Variants in RSPH4A observed in about 807,000 individuals in gnomAD.
RSPH4A encodes the protein radial spoke head protein 4 homolog A.
Under a neutral mutation model 71.0 loss-of-function variants are expected in RSPH4A, and 47 were observed. The observed-to-expected ratio is 0.66, with a 90% CI of 0.52 to 0.84. The LOEUF (loss-of-function observed/expected upper bound fraction) is 0.84, where lower values mean the gene tolerates loss of function less well. RSPH4A is among the 40% of genes least tolerant of loss of function. The pLI is 0.00. For synonymous variants in RSPH4A, 282 were observed against 302.3 expected (o/e 0.93, Z 0.70); for missense variants, 793 against 855.2 (o/e 0.93, Z 0.91).
At chr6:116,627,476 G>A (rs942261172) in intron 2 of RSPH4A, among the ~76,000 whole-genome samples, 153 bp from the exon 3 acceptor site, 1 of 152,150 alleles carries the variant, frequency 6.6e-6, no homozygotes, top group Non-Finnish European at 1.5e-5. Flanking sequence ...GATTACAGGC[G>A]TGAACCACTG....
At chr6:116,618,334 T>C (rs898183204) in intron 1 of RSPH4A, among the ~76,000 whole-genome samples, 7 of 152,254 alleles carry the variant, frequency 4.6e-5, no homozygotes, top group Admixed American at 2.6e-4. Context: ...GACAGACTTA[T>C]ATTTTAATAT....
At chr6:116,626,960 A>G (rs1300581053) in intron 2 of RSPH4A, among the ~76,000 whole-genome samples, 1 of 152,146 alleles carries the variant, frequency 6.6e-6, no homozygotes, top group East Asian at 1.9e-4. Context: ...TTTGTTCTAA[A>G]TATATGTGTA....
intron 1 of RSPH4A, among the ~76,000 whole-genome samples, chr6:116,620,164 A>G (rs1282748447): frequency 6.6e-6 from 1 of 152,268 alleles, no homozygotes; most frequent in Non-Finnish European, 1.5e-5. Flanking sequence ...ACAAACTGCT[A>G]AAATTGCAAA....
rs756442852 is a variant in RSPH4A at position 116,616,924 on chromosome 6, A to G, written c.301A>G (p.Arg101Gly). 6.2e-7 allele frequency: 1 copy of G among 1,614,212 alleles called. No homozygotes were observed. The highest frequency in any genetic ancestry group is 8.5e-7 in the Non-Finnish European group (1 of 1,180,028). ...CTCTCCTTCTCCCCTGGCTCCGGCC[A>G]GACAAGACCTCGCGGCACCACCTCA... The part of the protein sequence containing the change: ...SSSPSPLAPA[R>G]QDLAAPPQSD... Residue 101 changes from arginine to glycine, a missense_variant, in exon 1 of 6, where the codon AGA becomes GGA. Physicochemically the swap from Arg to Gly is moderately radical, Grantham distance 125 (BLOSUM62 -2). Transcript: ENST00000229554.
At chr6:116,618,102 C>T (rs767248109) in intron 1 of RSPH4A, among the ~76,000 whole-genome samples, 25 of 152,140 alleles carry the variant, frequency 1.6e-4, no homozygotes, top group Non-Finnish European at 2.8e-4. Context: ...ACCTAATTTG[C>T]TCAAGATTCC....
chr6:116,616,991 C>T lies in RSPH4A; in HGVS notation c.368C>T (p.Pro123Leu). The change falls in exon 1 of 6, where the codon CCT (proline) becomes CTT (leucine). Residue 123 changes from proline to leucine, a missense_variant. Physicochemically the swap from Pro to Leu is moderately conservative, Grantham distance 98. Transcript: ENST00000229554. ...AGTGTGATTCCTGAAGCTGGGACAC[C>T]TTATCCTGATCCTTTGGAACAATCA... ...TTSVIPEAGTPYPDPLEQSSD... is the reference protein window; with the variant it reads ...TTSVIPEAGTLYPDPLEQSSD... 6.2e-7 allele frequency: 1 copy of T among 1,614,230 alleles called. No individual in the cohort carries two copies. The highest frequency in any genetic ancestry group is 8.5e-7 in the Non-Finnish European group (1 of 1,180,038).
intron 5 of RSPH4A, among the ~76,000 whole-genome samples, chr6:116,631,504 G>A (rs1417387545): frequency 6.6e-6 from 1 of 152,164 alleles, no homozygotes; most frequent in Non-Finnish European, 1.5e-5. Context: ...GGCTCCTGCA[G>A]TTTTACAGAC....
intron 4 of RSPH4A, 88 bp from the exon 5 acceptor site, chr6:116,630,343 ATGTG>A (rs59824195): frequency 1.6e-4 from 110 of 678,312 alleles, no homozygotes; most frequent in Admixed American, 1.1e-3. Context: ...GTGTGCATGC[ATGTG>A]TGTGTGTGTG....
At position 116,632,621 on chromosome 6, in the gene RSPH4A, T is replaced by C. The variant is rs1233054469; in HGVS notation, c.*180T>C. On this transcript the variant is annotated 3_prime_UTR_variant, in exon 6 of 6. Coordinates refer to ENST00000229554, the MANE Select transcript of RSPH4A (RefSeq NM_001010892.3). ...AATTTCATAGGTAGAAATATTAGCATTTTTATTGAAAGATACTCACAGGAT... is the reference window on the plus strand; with the variant it reads ...AATTTCATAGGTAGAAATATTAGCACTTTTATTGAAAGATACTCACAGGAT... 1 of 760,382 alleles carries C rather than the reference T, an allele frequency of 1.3e-6. No individual in the cohort carries two copies. Among genetic ancestry groups the C allele is most frequent in the Non-Finnish European group, 2.0e-6 (1 of 491,382 alleles). The allele number at this position is 760,382 out of a possible 1,614,324, so 47.1% of individuals were successfully genotyped here.
rs779532397 is a variant in RSPH4A at position 116,627,697 on chromosome 6, C to T, written c.990C>T (p.Gly330=). 1.2e-6 allele frequency: 2 copies of T among 1,614,032 alleles called. No homozygotes were observed. The highest frequency in any genetic ancestry group is 2.7e-5 in the African/African-American group (2 of 74,918). Residue 330 remains glycine, a synonymous_variant, in exon 3 of 6, where the codon GGC becomes GGT. Coordinates refer to ENST00000229554, the MANE Select transcript of RSPH4A (RefSeq NM_001010892.3). The part of the protein sequence containing the change: ...FYFEQAGVGL[G]TDETYRIFLA... Reference sequence around the variant, plus strand: ...TTGAACAAGCTGGAGTTGGTTTGGGCACAGATGAGACATACCGCATATTTC... The same window carrying T: ...TTGAACAAGCTGGAGTTGGTTTGGGTACAGATGAGACATACCGCATATTTC...
Position 116,628,285 on chromosome 6 carries a change from C to A in RSPH4A, c.1578C>A (p.Asn526Lys). Reference protein sequence around the residue: ...AEGGRNSFEENPDFEGIQVID... With the variant: ...AEGGRNSFEEKPDFEGIQVID... ...GTGGGCGAAATAGCTTTGAGGAAAACCCTGATTTTGAAGGCATCCAAGTGA... is the reference window on the plus strand; with the variant it reads ...GTGGGCGAAATAGCTTTGAGGAAAAACCTGATTTTGAAGGCATCCAAGTGA... The change falls in exon 3 of 6, where the codon AAC becomes AAA. Residue 526 changes from asparagine (N) to lysine (K), a missense_variant. Asn to Lys is a moderately conservative substitution (Grantham distance 94). Transcript: ENST00000229554. 2 of 1,611,224 alleles carry A rather than the reference C, an allele frequency of 1.2e-6. No homozygotes were observed. The highest frequency in any genetic ancestry group is 1.7e-6 in the Non-Finnish European group (2 of 1,178,516).
In RSPH4A at chr6:116,616,560, G is replaced by A; in HGVS notation, c.-64G>A. 7.2e-7 allele frequency: 1 copy of A among 1,389,070 alleles called. No homozygotes were observed. 86.0% of individuals were successfully genotyped at this position (1,389,070 alleles called of 1,614,324 possible). ...GACCGCGGCAAAGTAACTTAACTGA[G>A]TTGCCTTCTTCCATATTTTCACGCC... is the stretch of plus-strand genomic sequence containing the variant. On this transcript the variant is annotated 5_prime_UTR_variant, in exon 1 of 6. Transcript: ENST00000229554.
In RSPH4A at chr6:116,632,239, A is replaced by C. The variant is rs761790658; in HGVS notation, c.1949A>C (p.His650Pro). The C allele has an allele frequency of 1.9e-6, 3 of 1,611,746 alleles. No homozygotes were observed. The highest frequency in any genetic ancestry group is 3.3e-5 in the Admixed American group (2 of 59,988). ...GAAAATTTCTACATAGGCTGGGGTCATAAGTATAGTCCAGACAATTATACA... is the reference window on the plus strand; with the variant it reads ...GAAAATTTCTACATAGGCTGGGGTCCTAAGTATAGTCCAGACAATTATACA... Reference protein sequence around the residue: ...KFENFYIGWGHKYSPDNYTPP... With the variant: ...KFENFYIGWGPKYSPDNYTPP... Residue 650 changes from histidine (H) to proline (P), a missense_variant, in exon 6 of 6, where the codon CAT (histidine) becomes CCT (proline). Physicochemically the swap from His to Pro is moderately conservative, Grantham distance 77. Transcript: ENST00000229554.
At chr6:116,623,691 G>T (rs942040853) in intron 2 of RSPH4A, among the ~76,000 whole-genome samples, 6 of 151,950 alleles carry the variant, frequency 3.9e-5, no homozygotes, top group African/African-American at 1.5e-4. Flanking sequence ...ATTAAAATCA[G>T]GTTTTAAAAC....
Position 116,632,354 on chromosome 6 carries a change from T to C in RSPH4A, c.2064T>C (p.Ala688=). The C allele has an allele frequency of 6.2e-7, 1 of 1,614,072 alleles. No homozygotes were observed. Among genetic ancestry groups the C allele is most frequent in the Non-Finnish European group, 8.5e-7 (1 of 1,179,994 alleles). The part of the protein sequence containing the change: ...MDDPSVEEEQ[A]FRAAQEAVLL... ...ATCCTAGTGTGGAGGAGGAGCAGGCTTTCAGGGCTGCACAAGAAGCAGTTC... is the reference window on the plus strand; with the variant it reads ...ATCCTAGTGTGGAGGAGGAGCAGGCCTTCAGGGCTGCACAAGAAGCAGTTC... The change falls in exon 6 of 6, where the codon GCT becomes GCC. Residue 688 remains alanine, a synonymous_variant. Transcript: ENST00000229554.
At chr6:116,627,491 C>T in intron 2 of RSPH4A, 138 bp from the exon 3 acceptor site, 1 of 801,886 alleles carries the variant, frequency 1.2e-6, no homozygotes, top group Non-Finnish European at 2.1e-6. Context: ...CCACTGCACC[C>T]AGCCAATTTG....
At chr6:116,621,623 T>C (rs764090121) in intron 1 of RSPH4A, among the ~76,000 whole-genome samples, 12 of 152,190 alleles carry the variant, frequency 7.9e-5, no homozygotes, top group Admixed American at 5.9e-4. Flanking sequence ...TTTTGGGGAA[T>C]GACTTAAGTG....
At chr6:116,625,056 GGATAATCAAGTGGCTTA>G in intron 2 of RSPH4A, among the ~76,000 whole-genome samples, 1 of 18,218 alleles carries the variant, frequency 5.5e-5, no homozygotes, top group East Asian at 7.9e-4. Context: ...CAAGCCTTAA[GGATAATCAAGTGGCTTA>G]AGGATAATCA....
At chr6:116,627,388 CG>C (rs1775713812) in intron 2 of RSPH4A, among the ~76,000 whole-genome samples, 1 of 151,972 alleles carries the variant, frequency 6.6e-6, no homozygotes, top group Non-Finnish European at 1.5e-5. Context: ...GTAGTAGAGA[CG>C]GGGGTCTCAC....
Sources: gnomAD v4.1 joint callset for allele counts (sites outside exome capture counted in the v4.1 genomes callset) on GRCh38, gnomAD v4.1.1 for gene constraint, MANE v1.5 for transcripts, NCBI Gene and HGNC (gene_info 2026-07-23, HGNC 2026-07-21) for gene names.